Variants in MYO15A observed in about 807,000 individuals in gnomAD.
MYO15A encodes myosin XVA.
Under a neutral mutation model 394.6 loss-of-function variants are expected in MYO15A, and 308 were observed. The ratio of observed to expected loss-of-function variants is 0.78; its 90% confidence interval spans 0.71 to 0.86. The LOEUF is 0.86. Among genes scored for constraint, MYO15A ranks in the 40% least tolerant of loss-of-function variants. The pLI is 0.00. For missense variants in MYO15A, 4,606 were observed against 4,799.1 expected (o/e 0.96, Z 1.19); for synonymous variants, 1,957 against 2,003.8 (o/e 0.98, Z 0.62).
At chr17:18,165,465 A>G (rs1054356500) in intron 60 of MYO15A, among the ~76,000 whole-genome samples, 2 of 152,002 alleles carry the variant, frequency 1.3e-5, no homozygotes, top group African/African-American at 4.8e-5. Context: ...TAGAATCCTC[A>G]TATCTCTCTC....
At chr17:18,139,432 C>A in intron 18 of MYO15A, 102 bp from the exon 19 acceptor site, 1 of 1,320,540 alleles carries the variant, frequency 7.6e-7, no homozygotes, top group Non-Finnish European at 1.1e-6. Context: ...ATGGTGGGGG[C>A]TGGAGGGGTG....
chr17:18,122,373 C>T lies in MYO15A; in HGVS notation c.3573C>T (p.Ser1191=), dbSNP rs1405633463. ...PGAACLSLRG[S]WEEVGPPSWR... ...CTGCCTGCCTGTCCCTTAGGGGCTC[C>T]TGGGAGGAGGTCGGCCCGCCAAGCT... The change falls in exon 2 of 66, where the codon TCC becomes TCT. Residue 1191 remains serine, a synonymous_variant. Coordinates refer to ENST00000647165, the MANE Select transcript of MYO15A (RefSeq NM_016239.4). 1.2e-6 allele frequency: 2 copies of T among 1,612,772 alleles called. No homozygotes were observed. Among genetic ancestry groups the T allele is most frequent in the Admixed American group, 1.7e-5 (1 of 60,018 alleles).
chr17:18,136,353 C>G, intron 13 of MYO15A, 64 bp from the exon 14 acceptor site: 1 of 1,599,180 alleles, frequency 6.3e-7, no homozygotes, highest in Non-Finnish European at 8.6e-7. Flanking sequence ...CCTTAGTCCC[C>G]TGGGGGCTTT....
Position 18,120,323 on chromosome 17 carries a change from G to A in MYO15A, c.1523G>A (p.Gly508Glu). 2 of 1,612,240 alleles carry A rather than the reference G, an allele frequency of 1.2e-6. No homozygotes were observed. Among genetic ancestry groups the A allele is most frequent in the Non-Finnish European group, 1.7e-6 (2 of 1,179,982 alleles). Residue 508 changes from glycine (G) to glutamate (E), a missense_variant, in exon 2 of 66, where the codon GGG becomes GAG. Physicochemically the swap from Gly to Glu is moderately conservative, Grantham distance 98 (BLOSUM62 -2). Around this residue, in one of 2 missense-constraint regions of MYO15A, gnomAD observed 1,830 missense variants for 1,689.7 expected, o/e 1.08. Coordinates refer to ENST00000647165, the MANE Select transcript of MYO15A (RefSeq NM_016239.4). ...TCTCTGGACATTCCTCTCCCCTTGG[G>A]GGATGCGGACGAAGAAGAGGACGAG... ...PPSLDIPLPL[G>E]DADEEEDEEE...
intron 55 of MYO15A, 105 bp from the exon 56 acceptor site, chr17:18,159,830 G>T (rs1203650751): frequency 1.4e-6 from 2 of 1,459,614 alleles, no homozygotes; most frequent in Non-Finnish European, 1.9e-6. Context: ...GGCTGGGAAA[G>T]GGACACCAGG....
In MYO15A at chr17:18,117,181, C is replaced by CT. The variant is rs1168205538; in HGVS notation, c.-219-1400dup. On this transcript the variant is annotated intron_variant, in intron 1 of 65. Transcript: ENST00000647165. The surrounding 1 kb of genome is among the most constrained non-coding windows in gnomAD (Gnocchi z 4.1). ...ACCAACAGCCCCTGGTGCAACTCCTCTGAGTGGCTGGGCACTGACTGGCTC... is the reference window on the plus strand; with the variant it reads ...ACCAACAGCCCCTGGTGCAACTCCTCTTGAGTGGCTGGGCACTGACTGGCTC... Among the ~76,000 whole-genome samples the CT allele has an allele frequency of 6.6e-6, 1 of 152,224 alleles. No homozygotes were observed. Among genetic ancestry groups the CT allele is most frequent in the Non-Finnish European group, 1.5e-5 (1 of 68,040 alleles).
rs767075734 is a variant in MYO15A, at chr17:18,137,651, T to A, written c.4847T>A (p.Phe1616Tyr). The change falls in exon 16 of 66, where the codon TTC (phenylalanine) becomes TAC (tyrosine). Residue 1616 changes from phenylalanine (F) to tyrosine (Y), a missense_variant. Physicochemically the swap from Phe to Tyr is conservative, Grantham distance 22. Around this residue, in one of 2 missense-constraint regions of MYO15A, gnomAD observed 2,776 missense variants for 3,109.3 expected, o/e 0.89. Transcript: ENST00000647165. ...GCAAACGAGAACCTTCAGTACCTTT[T>A]CAACAAGATCGTCTTCCAGGAGGAG... ...NYANENLQYL[F>Y]NKIVFQEEQE... 3 of 1,614,076 alleles carry A rather than the reference T, an allele frequency of 1.9e-6. No homozygotes were observed. The African/African-American group carries it at 4.0e-5, about 22-fold the overall frequency.
At position 18,153,835 on chromosome 17, in the gene MYO15A, T is replaced by G. The variant is rs1017991131; in HGVS notation, c.8027T>G (p.Leu2676Arg). ...CTCACGCAGACGCGGCTGCACCGCCTCATCAATCCCAACTTCTACGGCTAT... is the reference window on the plus strand; with the variant it reads ...CTCACGCAGACGCGGCTGCACCGCCGCATCAATCCCAACTTCTACGGCTAT... ...EELTQTRLHR[L>R]INPNFYGYQD... The change falls in exon 43 of 66, where the codon CTC becomes CGC. Residue 2676 changes from leucine to arginine, a missense_variant. Leu to Arg is a moderately radical substitution (Grantham distance 102). This residue lies in a region of MYO15A where 2,776 missense variants were observed against 3,109.3 expected (regional missense o/e 0.89). Transcript: ENST00000647165. This position sits in a 1 kb window ranked among gnomAD's most constrained non-coding sequence, Gnocchi z 4.1. 6.2e-7 allele frequency: 1 copy of G among 1,613,444 alleles called. No individual in the cohort carries two copies. Among genetic ancestry groups the G allele is most frequent in the African/African-American group, 1.3e-5 (1 of 74,906 alleles).
chr17:18,121,402 C>T lies in MYO15A; in HGVS notation c.2602C>T (p.Leu868Phe), dbSNP rs1247344701. 1 of 1,538,342 alleles carries T rather than the reference C, an allele frequency of 6.5e-7. No individual in the cohort carries two copies. Among genetic ancestry groups the T allele is most frequent in the East Asian group, 2.5e-5 (1 of 40,718 alleles). The change falls in exon 2 of 66, where the codon CTC (leucine) becomes TTC (phenylalanine). Residue 868 changes from leucine (L) to phenylalanine (F), a missense_variant. Physicochemically the swap from Leu to Phe is conservative, Grantham distance 22. Coordinates refer to ENST00000647165, the MANE Select transcript of MYO15A (RefSeq NM_016239.4). The surrounding 1 kb of genome is among the most constrained non-coding windows in gnomAD (Gnocchi z 5.3). ...CAGCTCCCTGAATCTGCCCTCGCGC[C>T]TCCCGCACACGTGGCGGCGCCTCAG... is the stretch of plus-strand genomic sequence containing the variant. ...RRSSLNLPSR[L>F]PHTWRRLSEP...
At position 18,120,774 on chromosome 17, in the gene MYO15A, C is replaced by T. The variant is rs2045906352; in HGVS notation, c.1974C>T (p.Ser658=). ...QPAPRTLSHW[S]ALLSPPVPPR... Reference sequence around the variant, plus strand: ...CGCCCAGGACCCTCTCCCACTGGAGCGCGCTCCTGTCTCCGCCCGTGCCCC... The same window carrying T: ...CGCCCAGGACCCTCTCCCACTGGAGTGCGCTCCTGTCTCCGCCCGTGCCCC... Residue 658 remains serine, a synonymous_variant, in exon 2 of 66, where the codon AGC becomes AGT. Coordinates refer to ENST00000647165, the MANE Select transcript of MYO15A (RefSeq NM_016239.4). 1 of 1,426,304 alleles carries T rather than the reference C, an allele frequency of 7.0e-7. No individual in the cohort carries two copies. Among genetic ancestry groups the T allele is most frequent in the Non-Finnish European group, 9.1e-7 (1 of 1,099,492 alleles). The allele number at this position is 1,426,304 out of a possible 1,614,324, so 88.4% of individuals were successfully genotyped here.
At chr17:18,118,494 G>T in intron 1 of MYO15A, 88 bp from the exon 2 acceptor site, 1 of 449,688 alleles carries the variant, frequency 2.2e-6, no homozygotes, top group Non-Finnish European at 4.1e-6. Context: ...CGACTCCGAG[G>T]CCAGAATGTC....
Position 18,121,934 on chromosome 17 carries a change from C to T in MYO15A, c.3134C>T (p.Thr1045Ile). Residue 1045 changes from threonine to isoleucine, a missense_variant, in exon 2 of 66, where the codon ACT (threonine) becomes ATT (isoleucine). By Grantham distance (89) the Thr-to-Ile change is moderately conservative. Around this residue, in one of 2 missense-constraint regions of MYO15A, gnomAD observed 1,830 missense variants for 1,689.7 expected, o/e 1.08. Transcript: ENST00000647165. This position sits in a 1 kb window ranked among gnomAD's most constrained non-coding sequence, Gnocchi z 5.3. Reference sequence around the variant, plus strand: ...GATGTCACTCCCCCCAAGGATATCACTCCCCCCAAGGATGTCCTCCCAGAG... The same window carrying T: ...GATGTCACTCCCCCCAAGGATATCATTCCCCCCAAGGATGTCCTCCCAGAG... ...PKDVTPPKDI[T>I]PPKDVLPEQK... The T allele has an allele frequency of 6.2e-7, 1 of 1,613,354 alleles. No homozygotes were observed. Among genetic ancestry groups the T allele is most frequent in the Non-Finnish European group, 8.5e-7 (1 of 1,179,934 alleles).
rs2046528137 is a variant in MYO15A, at chr17:18,148,817, G to T, written c.6821G>T (p.Trp2274Leu). 2 of 1,605,870 alleles carry T rather than the reference G, an allele frequency of 1.2e-6. No homozygotes were observed. The highest frequency in any genetic ancestry group is 1.7e-5 in the Admixed American group (1 of 59,314). ...GTGGCCATGAAGAATGGTGTCCAGTGGGCAGAGCTGGCTGGCCACGACTAC... is the reference window on the plus strand; with the variant it reads ...GTGGCCATGAAGAATGGTGTCCAGTTGGCAGAGCTGGCTGGCCACGACTAC... ...WTVAMKNGVQ[W>L]AELAGHDYVL... Residue 2274 changes from tryptophan (W) to leucine (L), a missense_variant, in exon 33 of 66, where the codon TGG (tryptophan) becomes TTG (leucine). Trp to Leu is a moderately conservative substitution (Grantham distance 61). This residue lies in a region of MYO15A where 2,776 missense variants were observed against 3,109.3 expected (regional missense o/e 0.89). Transcript: ENST00000647165. The surrounding 1 kb of genome is among the most constrained non-coding windows in gnomAD (Gnocchi z 4.8).
rs760980785 is a variant in MYO15A at position 18,146,035 on chromosome 17, G to A, written c.6437G>A (p.Arg2146Gln). The A allele has an allele frequency of 1.5e-5, 24 of 1,613,934 alleles. No individual in the cohort carries two copies. The highest frequency in any genetic ancestry group is 2.2e-5 in the East Asian group (1 of 44,888). ...AATCACAATGCCCACAATGCTGAGC[G>A]GGGCTGGCTGCTGCTGGCCGCCTGC... ...WHNHNAHNAE[R>Q]GWLLLAACLS... The change falls in exon 30 of 66, where the codon CGG (arginine) becomes CAG (glutamine). Residue 2146 changes from arginine (R) to glutamine (Q), a missense_variant. Physicochemically the swap from Arg to Gln is conservative, Grantham distance 43. Transcript: ENST00000647165.
chr17:18,141,448 A>T (rs2046378585), intron 22 of MYO15A, among the ~76,000 whole-genome samples: 1 of 152,260 alleles, frequency 6.6e-6, no homozygotes, highest in East Asian at 1.9e-4. Flanking sequence ...TTGTACTGAA[A>T]TCATCTATTA....
chr17:18,150,552 C>T lies in MYO15A; in HGVS notation c.7327+9C>T, dbSNP rs747810963. On this transcript the variant is annotated intron_variant, in intron 36 of 65. Coordinates refer to ENST00000647165, the MANE Select transcript of MYO15A (RefSeq NM_016239.4). The surrounding 1 kb of genome is among the most constrained non-coding windows in gnomAD (Gnocchi z 4.4). ...CCCAGAGCCAAAGCCAAGTCAGTGC[C>T]TCCCCAGGGTGGTTCCAGGGTTGGG... 3 of 1,614,042 alleles carry T rather than the reference C, an allele frequency of 1.9e-6. No homozygotes were observed. In the South Asian group the frequency reaches 3.3e-5, roughly 18 times the overall value.
chr17:18,129,090 C>T (rs1439351718), intron 7 of MYO15A, among the ~76,000 whole-genome samples: 1 of 152,204 alleles, frequency 6.6e-6, no homozygotes, highest in Non-Finnish European at 1.5e-5. Flanking sequence ...CAATCTGTCT[C>T]CTATTGGTCA....
At position 18,157,811 on chromosome 17, in the gene MYO15A, C is replaced by T; in HGVS notation, c.8878C>T (p.Pro2960Ser). The T allele has an allele frequency of 6.2e-7, 1 of 1,601,484 alleles. No individual in the cohort carries two copies. Among genetic ancestry groups the T allele is most frequent in the Non-Finnish European group, 8.5e-7 (1 of 1,178,748 alleles). ...TGCTGCCCCCGACTTCCTGCAGCTG[C>T]CAACGGAGCCAGGCCGCGGCCGAGC... ...PAAAPDFLQLPTEPGRGRAAA... is the reference protein window; with the variant it reads ...PAAAPDFLQLSTEPGRGRAAA... Residue 2960 changes from proline (P) to serine (S), a missense_variant, in exon 51 of 66, where the codon CCA becomes TCA. Pro to Ser is a moderately conservative substitution (Grantham distance 74, BLOSUM62 -1). This residue lies in a region of MYO15A where 2,776 missense variants were observed against 3,109.3 expected (regional missense o/e 0.89). Coordinates refer to ENST00000647165, the MANE Select transcript of MYO15A (RefSeq NM_016239.4).
Position 18,119,803 on chromosome 17 carries a change from G to A in MYO15A, c.1003G>A (p.Glu335Lys), listed in dbSNP as rs760447891. The change falls in exon 2 of 66, where the codon GAG (glutamate) becomes AAG (lysine). Residue 335 changes from glutamate (E) to lysine (K), a missense_variant. Glu to Lys is a moderately conservative substitution (Grantham distance 56). This residue lies in a region of MYO15A where 1,830 missense variants were observed against 1,689.7 expected (regional missense o/e 1.08). Coordinates refer to ENST00000647165, the MANE Select transcript of MYO15A (RefSeq NM_016239.4). ...CAGCTACCACGATGGGTACGAGGGC[G>A]AGGCGCACCCTTATGGCTACTACCT... ...PYSYHDGYEG[E>K]AHPYGYYLDP... is the part of the protein sequence containing the mutation. 3.7e-6 allele frequency: 6 copies of A among 1,613,120 alleles called. No homozygotes were observed. Among genetic ancestry groups the A allele is most frequent in the Middle Eastern group, 1.6e-4 (1 of 6,062 alleles).
Sources: allele counts gnomAD v4.1 joint callset (sites outside exome capture counted in the v4.1 genomes callset), GRCh38; gene constraint gnomAD v4.1.1; regional missense constraint gnomAD v4.1.1; non-coding constraint Gnocchi (gnomAD v3.1); transcripts MANE v1.5; gene names NCBI Gene and HGNC (gene_info 2026-07-23, HGNC 2026-07-21).